WWOX: variants seen among roughly 807,000 people sequenced by gnomAD.
WWOX encodes the protein WW domain-containing oxidoreductase.
A neutral mutation model predicts 46.2 loss-of-function variants in WWOX; 69 were observed. That is an observed-to-expected ratio of 1.49 (90% confidence interval 1.23 to 1.82). WWOX has a LOEUF of 1.82. WWOX is among the 40% of genes most tolerant of loss of function. The pLI, the probability that WWOX is intolerant of heterozygous loss-of-function variation, is 0.00. For synonymous variants in WWOX, 359 were observed against 202.6 expected (o/e 1.77, Z -6.56); for missense variants, 919 against 542.6 (o/e 1.69, Z -6.89).
intron 5 of WWOX, among the ~76,000 whole-genome samples, chr16:78,288,901 C>T (rs1451542675): frequency 6.6e-6 from 1 of 152,100 alleles, no homozygotes; most frequent in Non-Finnish European, 1.5e-5. Context: ...AAAAAATCAT[C>T]CTGGGGGCAG....
At chr16:78,976,485 C>G (rs1020750088) in intron 8 of WWOX, among the ~76,000 whole-genome samples, 1 of 152,188 alleles carries the variant, frequency 6.6e-6, no homozygotes, top group Admixed American at 6.5e-5. Context: ...GCTGACTGAG[C>G]AAGTAATTTC....
chr16:78,512,619 G>T (rs1018427945), intron 8 of WWOX, among the ~76,000 whole-genome samples: 1 of 152,168 alleles, frequency 6.6e-6, no homozygotes, highest in African/African-American at 2.4e-5. Context: ...CCTACTATGT[G>T]CGGAGCCTTA....
chr16:79,207,730 C>A (rs964240478), intron 8 of WWOX, among the ~76,000 whole-genome samples: 1 of 151,916 alleles, frequency 6.6e-6, no homozygotes, highest in African/African-American at 2.4e-5. Flanking sequence ...AACATGTGTC[C>A]CTGTGAGTAT....
chr16:79,045,619 G>A (rs1375741050), intron 8 of WWOX, among the ~76,000 whole-genome samples: 1 of 151,954 alleles, frequency 6.6e-6, no homozygotes, highest in Non-Finnish European at 1.5e-5. Flanking sequence ...CAATGAAAAG[G>A]ACCAGCTTGG....
chr16:79,056,673 A>C (rs72795632), intron 8 of WWOX, among the ~76,000 whole-genome samples: 5,233 of 152,254 alleles, frequency 0.034, 114 homozygotes, highest in Middle Eastern at 0.065. Flanking sequence ...GTCTCCAAAC[A>C]TTGCCAATCC....
At chr16:78,723,614 TTTC>T (rs148400777) in intron 8 of WWOX, among the ~76,000 whole-genome samples, 65 of 87,598 alleles carry the variant, frequency 7.4e-4, no homozygotes, top group African/African-American at 1.4e-3. Context: ...TTTCTTTTCT[TTTC>T]TTTTCTTTTC....
At chr16:78,434,719 A>T (rs931269469) in intron 8 of WWOX, among the ~76,000 whole-genome samples, 1 of 152,142 alleles carries the variant, frequency 6.6e-6, no homozygotes, top group African/African-American at 2.4e-5. Flanking sequence ...TAATCAGAGG[A>T]ACGGGATGGG....
intron 8 of WWOX, chr16:78,873,363 T>G (rs549486109): frequency 6.6e-6 from 1 of 152,364 alleles, no homozygotes; most frequent in Admixed American, 6.5e-5. Context: ...TCAAGTTGAC[T>G]ATCTCCTTAT....
chr16:79,095,978 T>C (rs929290358), intron 8 of WWOX, among the ~76,000 whole-genome samples: 5 of 148,510 alleles, frequency 3.4e-5, no homozygotes, highest in Admixed American at 1.4e-4. Context: ...GCCTCCCTAG[T>C]AGCTGGGACT....
chr16:78,943,902 A>G (rs1331723638), intron 8 of WWOX, among the ~76,000 whole-genome samples: 2 of 152,300 alleles, frequency 1.3e-5, no homozygotes, highest in East Asian at 1.9e-4. Context: ...CAGCAGCCAC[A>G]GGAACCCATC....
At chr16:78,837,358 A>G (rs1473345806) in intron 8 of WWOX, among the ~76,000 whole-genome samples, 1 of 152,158 alleles carries the variant, frequency 6.6e-6, no homozygotes, top group Non-Finnish European at 1.5e-5. Context: ...TCACCCAGCA[A>G]CTTGCTTTTT....
At chr16:79,029,357 C>T (rs1304802263) in intron 8 of WWOX, among the ~76,000 whole-genome samples, 1 of 152,194 alleles carries the variant, frequency 6.6e-6, no homozygotes, top group South Asian at 2.1e-4. Context: ...GTCTACATGC[C>T]TGTTAATTTC....
chr16:78,794,400 CAAAAT>C (rs1167308574), intron 8 of WWOX, among the ~76,000 whole-genome samples: 1 of 152,058 alleles, frequency 6.6e-6, no homozygotes, highest in East Asian at 1.9e-4. Context: ...AAACAAAAAA[CAAAAT>C]AAATAAAAGC....
chr16:78,431,610 G>T (rs995565649), intron 7 of WWOX, among the ~76,000 whole-genome samples: 4 of 151,738 alleles, frequency 2.6e-5, no homozygotes, highest in Non-Finnish European at 5.9e-5. Flanking sequence ...TATGTTAGAG[G>T]GTGGGGAGAG....
chr16:79,159,241 C>G (rs543539269), intron 8 of WWOX, among the ~76,000 whole-genome samples: 1 of 152,326 alleles, frequency 6.6e-6, no homozygotes, highest in East Asian at 1.9e-4. Context: ...CTCTGAAACC[C>G]TCACTCCCAC....
intron 8 of WWOX, among the ~76,000 whole-genome samples, chr16:78,756,470 A>T (rs547001947): frequency 7.2e-5 from 11 of 152,314 alleles, no homozygotes; most frequent in Middle Eastern, 6.8e-3. Context: ...TGATTAGGCA[A>T]TAGTTTACCT....
At chr16:79,109,671 T>C (rs1311574009) in intron 8 of WWOX, among the ~76,000 whole-genome samples, 1 of 152,200 alleles carries the variant, frequency 6.6e-6, no homozygotes, top group Admixed American at 6.5e-5. Context: ...GCTCCAAGTT[T>C]GGTGTTCATT....
rs184646990 is a variant in WWOX, at chr16:79,061,254, T to G, written c.1057-150354T>G. Among the ~76,000 whole-genome samples, 364 of 152,318 alleles carry G rather than the reference T, an allele frequency of 2.4e-3. 2 individuals carry two copies. The highest frequency in any genetic ancestry group is 8.6e-3 in the African/African-American group (359 of 41,572). On this transcript the variant is annotated intron_variant, in intron 8 of 8. Transcript: ENST00000566780. ...TAAAGCCCTATCTGGATTCCAAATT[T>G]ATGGTTGGTGCAGACTGGATTTTTA... is the stretch of plus-strand genomic sequence containing the variant.
At chr16:78,440,924 A>G (rs2083430933) in intron 8 of WWOX, among the ~76,000 whole-genome samples, 2 of 151,754 alleles carry the variant, frequency 1.3e-5, no homozygotes, top group African/African-American at 2.4e-5. Context: ...CCTGGCCTGT[A>G]GTTTCTTTTT....
Sources: allele counts gnomAD v4.1 joint callset (sites outside exome capture counted in the v4.1 genomes callset), GRCh38; gene constraint gnomAD v4.1.1; transcripts MANE v1.5; gene names NCBI Gene and HGNC (gene_info 2026-07-23, HGNC 2026-07-21).